The following POMT1 variants were observed in gnomAD, a reference collection of about 807,000 sequenced individuals.
POMT1 encodes the protein protein O-mannosyltransferase 1.
In POMT1, 85 loss-of-function variants were observed where a neutral mutation model predicts 101.6. The ratio of observed to expected loss-of-function variants is 0.84; its 90% CI spans 0.70 to 1.00. The LOEUF is 1.00. Among genes scored for constraint, POMT1 ranks in the 50% least tolerant of loss-of-function variants. The pLI is 0.00. For missense variants in POMT1, 857 were observed against 930.4 expected (o/e 0.92, Z 1.03); for synonymous variants, 371 against 383.0 (o/e 0.97, Z 0.37).
chr9:131,520,401 C>A (rs965974687), intron 17 of POMT1, among the ~76,000 whole-genome samples: 3 of 152,196 alleles, frequency 2.0e-5, no homozygotes, highest in Non-Finnish European at 4.4e-5. Context: ...TTGAAGGAAA[C>A]CCGGCTTGAT....
In POMT1 at chr9:131,509,042, T is replaced by C; in HGVS notation, c.539+20T>C. ...GCACAGGTATGGAAAATGGAGTGTC[T>C]TCCTAGTTAACGAGAACAGAGATTC... On this transcript the variant is annotated intron_variant, in intron 6 of 19. Coordinates refer to ENST00000402686, the MANE Select transcript of POMT1 (RefSeq NM_001077365.2). 1 of 1,532,968 alleles carries C rather than the reference T, an allele frequency of 6.5e-7. No homozygotes were observed. The highest frequency in any genetic ancestry group is 9.0e-7 in the Non-Finnish European group (1 of 1,107,030). 95.0% of individuals were successfully genotyped at this position (1,532,968 alleles called of 1,614,324 possible).
Position 131,510,244 on chromosome 9 carries a change from T to C in POMT1, c.700-16T>C. On this transcript the variant is annotated splice_polypyrimidine_tract_variant and intron_variant, in intron 8 of 19. Transcript: ENST00000402686. ...TCCACGCAGTGGAACATGACTTTTC[T>C]TTGAATCTCTGGCAGGTCTGTGTGT... The C allele has an allele frequency of 6.2e-7, 1 of 1,614,214 alleles. No individual in the cohort carries two copies. The highest frequency in any genetic ancestry group is 8.5e-7 in the Non-Finnish European group (1 of 1,180,002).
rs1388115148 is a variant in POMT1, at chr9:131,510,488, C to G, written c.855+73C>G. On this transcript the variant is annotated intron_variant, in intron 9 of 19. Transcript: ENST00000402686. ...TGGACCCAGAGTTTTCTTACAAACACATCAAGTGAACATTAGCACTTGAAT... is the reference window on the plus strand; with the variant it reads ...TGGACCCAGAGTTTTCTTACAAACAGATCAAGTGAACATTAGCACTTGAAT... The G allele has an allele frequency of 2.6e-5, 40 of 1,514,602 alleles. No individual in the cohort carries two copies. In the South Asian group the frequency reaches 4.0e-4, roughly 15 times the overall value. 93.8% of individuals were successfully genotyped at this position (1,514,602 alleles called of 1,614,324 possible).
intron 10 of POMT1, chr9:131,511,721 T>C: frequency 1.7e-6 from 1 of 579,706 alleles, no homozygotes; most frequent in Non-Finnish European, 3.1e-6. Context: ...CTGAATCATC[T>C]GATTTCGGCT....
intron 9 of POMT1, chr9:131,510,979 T>G: frequency 3.7e-6 from 1 of 271,186 alleles, no homozygotes; most frequent in Non-Finnish European, 7.1e-6. Context: ...CGACGGCCAG[T>G]GCTGTAGTGC....
chr9:131,513,090 C>G (rs952652450), intron 11 of POMT1, 149 bp from the exon 12 acceptor site: 1 of 697,860 alleles, frequency 1.4e-6, no homozygotes, highest in African/African-American at 1.8e-5. Context: ...AATGTCTGTG[C>G]TTTGGTTTCC....
chr9:131,512,195 A>C, intron 11 of POMT1, 59 bp downstream of exon 11: 5 of 1,592,286 alleles, frequency 3.1e-6, no homozygotes, highest in Non-Finnish European at 4.3e-6. Flanking sequence ...GCCAGGCGAG[A>C]CCCTGGGATG....
intron 14 of POMT1, 65 bp from the exon 15 acceptor site, chr9:131,518,772 A>G: frequency 6.2e-7 from 1 of 1,612,936 alleles, no homozygotes; most frequent in Non-Finnish European, 8.5e-7. Flanking sequence ...TCCCCTTCCA[A>G]CCCAAGTGGA....
chr9:131,509,719 C>T (rs1359517427), intron 6 of POMT1, 24 bp from the exon 7 acceptor site: 1 of 1,614,088 alleles, frequency 6.2e-7, no homozygotes. Context: ...ATTTCTGTCT[C>T]CATCTGCTTT....
rs1950174863 is a variant in POMT1 at position 131,522,602 on chromosome 9, C to T, written c.2004-330C>T. On this transcript the variant is annotated intron_variant, in intron 19 of 19. Transcript: ENST00000402686. This position sits in a 1 kb window ranked among gnomAD's most constrained non-coding sequence, Gnocchi z 5.5. ...AGAGAACCCAAGAAAGCTTCTAAAC[C>T]AGAGTGTGTTTGGAGGTTGGAGCAG... is the stretch of plus-strand genomic sequence containing the variant. The T allele has an allele frequency of 5.7e-6, 3 of 530,228 alleles. No homozygotes were observed. Among genetic ancestry groups the T allele is most frequent in the Non-Finnish European group, 1.0e-5 (3 of 293,660 alleles). 32.8% of individuals were successfully genotyped at this position (530,228 alleles called of 1,614,324 possible). A position where few individuals can be genotyped will look rare whatever the true frequency, so the allele number is the denominator to read the frequency against.
At position 131,522,585 on chromosome 9, in the gene POMT1, C is replaced by T. The variant is rs1452181690; in HGVS notation, c.2004-347C>T. 5.7e-6 allele frequency: 3 copies of T among 524,096 alleles called. No individual in the cohort carries two copies. Among genetic ancestry groups the T allele is most frequent in the South Asian group, 2.1e-5 (1 of 47,920 alleles). The allele number at this position is 524,096 out of a possible 1,614,324, so 32.5% of individuals were successfully genotyped here. On this transcript the variant is annotated intron_variant, in intron 19 of 19. Coordinates refer to ENST00000402686, the MANE Select transcript of POMT1 (RefSeq NM_001077365.2). The surrounding 1 kb of genome is among the most constrained non-coding windows in gnomAD (Gnocchi z 5.5). ...GTTGTGTGGTGTGGTGGAGAGAACC[C>T]AAGAAAGCTTCTAAACCAGAGTGTG...
intron 13 of POMT1, 45 bp from the exon 14 acceptor site, chr9:131,518,400 A>G: frequency 2.6e-6 from 4 of 1,516,138 alleles, no homozygotes; most frequent in Non-Finnish European, 3.7e-6. Context: ...ACATTGAAGG[A>G]AATTTGAAAA....
At chr9:131,518,568 C>T in intron 14 of POMT1, 31 bp downstream of exon 14, 3 of 1,579,416 alleles carry the variant, frequency 1.9e-6, no homozygotes, top group African/African-American at 2.7e-5. Flanking sequence ...TTGGCCTGTC[C>T]TGAGCTGTGG....
rs1461217355 is a variant in POMT1 at position 131,522,384 on chromosome 9, C to T, written c.2003+160C>T. On this transcript the variant is annotated intron_variant, in intron 19 of 19. Coordinates refer to ENST00000402686, the MANE Select transcript of POMT1 (RefSeq NM_001077365.2). This position sits in a 1 kb window ranked among gnomAD's most constrained non-coding sequence, Gnocchi z 5.5. ...GAATGGGTGAGGTTCAGAAGAGATGCCCAGATGAGGCACTGCAGGAACCCA... is the reference window on the plus strand; with the variant it reads ...GAATGGGTGAGGTTCAGAAGAGATGTCCAGATGAGGCACTGCAGGAACCCA... 7.1e-7 allele frequency: 1 copy of T among 1,402,974 alleles called. No homozygotes were observed. Among genetic ancestry groups the T allele is most frequent in the Admixed American group, 2.2e-5 (1 of 44,950 alleles). 86.9% of individuals were successfully genotyped at this position (1,402,974 alleles called of 1,614,324 possible).
chr9:131,523,227 GGCCTCTAGT>G lies in POMT1; in HGVS notation c.*123_*131del. 8.1e-7 allele frequency: 1 copy of G among 1,229,866 alleles called. No individual in the cohort carries two copies. Among genetic ancestry groups the G allele is most frequent in the South Asian group, 1.3e-5 (1 of 76,818 alleles). 76.2% of individuals were successfully genotyped at this position (1,229,866 alleles called of 1,614,324 possible). ...GGAGGACACGGGCTGGGCTGAGCAG[GGCCTCTAGT>G]GGAACACATGGGGGTCTCATTGAAA... On this transcript the variant is annotated 3_prime_UTR_variant, in exon 20 of 20. Transcript: ENST00000402686.
intron 17 of POMT1, 106 bp downstream of exon 17, chr9:131,520,299 C>A: frequency 2.9e-6 from 3 of 1,040,090 alleles, no homozygotes; most frequent in Non-Finnish European, 4.4e-6. Flanking sequence ...TGGGTTTCTC[C>A]CAAGCTTTTC....
In POMT1 at chr9:131,515,523, G is replaced by A. The variant is rs2131751359; in HGVS notation, c.1272+1G>A. 2 of 1,613,838 alleles carry A rather than the reference G, an allele frequency of 1.2e-6. No homozygotes were observed. Among genetic ancestry groups the A allele is most frequent in the Non-Finnish European group, 1.7e-6 (2 of 1,179,734 alleles). On this transcript the variant is annotated splice_donor_variant, in intron 13 of 19. Coordinates refer to ENST00000402686, the MANE Select transcript of POMT1 (RefSeq NM_001077365.2). LOFTEE classifies it high-confidence loss of function. Reference sequence around the variant, plus strand: ...GCCCGCCCAGAACCTCTGGAGACTGGTGAGTAAGGCTGCGGCTATAGCAGC... The same window carrying A: ...GCCCGCCCAGAACCTCTGGAGACTGATGAGTAAGGCTGCGGCTATAGCAGC...
Position 131,520,182 on chromosome 9 carries a change from C to T in POMT1, c.1687C>T (p.Pro563Ser), listed in dbSNP as rs1284314233. Residue 563 changes from proline (P) to serine (S), a missense_variant, in exon 17 of 20, where the codon CCC becomes TCC. Physicochemically the swap from Pro to Ser is moderately conservative, Grantham distance 74 (BLOSUM62 -1). Transcript: ENST00000402686. Reference protein sequence around the residue: ...LDTNIAYWLHPRTSAQIHLLG... With the variant: ...LDTNIAYWLHSRTSAQIHLLG... The stretch of plus-strand genomic sequence containing the variant: ...CACCAATATTGCCTACTGGCTGCAC[C>T]CCAGGACCAGCGTAAGCGAGCGATG... The T allele has an allele frequency of 1.2e-6, 2 of 1,613,290 alleles. No individual in the cohort carries two copies. The highest frequency in any genetic ancestry group is 2.7e-5 in the African/African-American group (2 of 75,044).
At position 131,519,350 on chromosome 9, in the gene POMT1, T is replaced by A. The variant is rs749283300; in HGVS notation, c.1487-39T>A. On this transcript the variant is annotated intron_variant, in intron 15 of 19. Transcript: ENST00000402686. This position sits in a 1 kb window ranked among gnomAD's most constrained non-coding sequence, Gnocchi z 4.3. ...CTTCTGCTCTGAGCTCTTGACCTTGTGCTACTTCTATCTGTTATGCCCTTG... is the reference window on the plus strand; with the variant it reads ...CTTCTGCTCTGAGCTCTTGACCTTGAGCTACTTCTATCTGTTATGCCCTTG... 2 of 1,539,676 alleles carry A rather than the reference T, an allele frequency of 1.3e-6. No individual in the cohort carries two copies. Among genetic ancestry groups the A allele is most frequent in the Non-Finnish European group, 8.8e-7 (1 of 1,137,230 alleles).
Sources: gnomAD v4.1 joint callset for allele counts (sites outside exome capture counted in the v4.1 genomes callset) on GRCh38, gnomAD v4.1.1 for gene constraint, Gnocchi (gnomAD v3.1) non-coding constraint, MANE v1.5 for transcripts, NCBI Gene and HGNC (gene_info 2026-07-23, HGNC 2026-07-21) for gene names.